ERI3: variants seen among roughly 807,000 people sequenced by gnomAD.
ERI3 encodes the protein ERI1 exoribonuclease family member 3.
Under a neutral mutation model 44.4 loss-of-function variants are expected in ERI3, and 18 were observed. The observed-to-expected ratio is 0.41, with a 90% CI of 0.28 to 0.60. The LOEUF is 0.60. ERI3 is among the 20% of genes least tolerant of loss of function. The pLI, the probability that ERI3 is intolerant of heterozygous loss-of-function variation, is 0.36. For missense variants in ERI3, 294 were observed against 435.5 expected (o/e 0.68, Z 2.89); for synonymous variants, 183 against 164.8 (o/e 1.11, Z -0.84).
At chr1:44,340,533 T>C (rs1307037763) in intron 2 of ERI3, among the ~76,000 whole-genome samples, 2 of 152,170 alleles carry the variant, frequency 1.3e-5, no homozygotes, top group Admixed American at 6.5e-5. Context: ...CAGCGCGTAC[T>C]CAAAGGCAAT....
intron 7 of ERI3, among the ~76,000 whole-genome samples, chr1:44,278,681 C>T (rs1046938256): frequency 3.0e-4 from 46 of 152,268 alleles, no homozygotes; most frequent in Admixed American, 1.3e-3. Context: ...ACTGCAACCT[C>T]CATTGCCTCC....
intron 2 of ERI3, among the ~76,000 whole-genome samples, chr1:44,346,431 A>T (rs1361145399): frequency 6.6e-6 from 1 of 152,258 alleles, no homozygotes; most frequent in Non-Finnish European, 1.5e-5. Context: ...AGCCATGCCC[A>T]GTAGCTTGGG....
intron 2 of ERI3, among the ~76,000 whole-genome samples, chr1:44,350,712 T>C (rs1001842538): frequency 1.3e-5 from 2 of 152,232 alleles, no homozygotes; most frequent in African/African-American, 4.8e-5. Context: ...AAAGATTCAG[T>C]TATACTCTTT....
At chr1:44,324,684 G>A (rs1230594061) in intron 3 of ERI3, among the ~76,000 whole-genome samples, 2 of 152,078 alleles carry the variant, frequency 1.3e-5, no homozygotes, top group African/African-American at 2.4e-5. Flanking sequence ...GAGTTTCACC[G>A]TGTTAGCCAG....
At chr1:44,256,033 A>AT (rs1274676528) in intron 7 of ERI3, among the ~76,000 whole-genome samples, 1 of 151,896 alleles carries the variant, frequency 6.6e-6, no homozygotes, top group Non-Finnish European at 1.5e-5. Context: ...TGTAACATGG[A>AT]TTTTGTCTCC....
chr1:44,325,662 GTTT>G (rs879713943), intron 3 of ERI3, among the ~76,000 whole-genome samples: 2 of 151,978 alleles, frequency 1.3e-5, no homozygotes, highest in African/African-American at 2.4e-5. Flanking sequence ...TATAAATTCT[GTTT>G]TTTTGTTTGT....
At chr1:44,259,395 A>G (rs1026751081) in intron 7 of ERI3, among the ~76,000 whole-genome samples, 7 of 152,098 alleles carry the variant, frequency 4.6e-5, no homozygotes, top group Non-Finnish European at 4.4e-5. Context: ...AGCACAGAAA[A>G]TCAAGCATGA....
At chr1:44,233,900 C>T (rs1339750105) in intron 8 of ERI3, among the ~76,000 whole-genome samples, 2 of 152,166 alleles carry the variant, frequency 1.3e-5, no homozygotes, top group Admixed American at 1.3e-4. Context: ...CACTGCTCTA[C>T]CAACACTGCT....
At chr1:44,265,585 C>T (rs1054467231) in intron 7 of ERI3, among the ~76,000 whole-genome samples, 2 of 151,638 alleles carry the variant, frequency 1.3e-5, no homozygotes, top group Admixed American at 6.6e-5. Flanking sequence ...AAAGTGAACT[C>T]GCACATGAAT....
intron 3 of ERI3, among the ~76,000 whole-genome samples, chr1:44,325,670 G>GT (rs1214975821): frequency 6.6e-6 from 1 of 151,872 alleles, no homozygotes; most frequent in Non-Finnish European, 1.5e-5. Flanking sequence ...CTGTTTTTTT[G>GT]TTTGTTTTTG....
intron 6 of ERI3, among the ~76,000 whole-genome samples, chr1:44,308,047 C>T (rs1310856789): frequency 6.6e-6 from 1 of 152,192 alleles, no homozygotes; most frequent in Non-Finnish European, 1.5e-5. Context: ...CACACAGCCC[C>T]AGCAATCGGA....
intron 7 of ERI3, among the ~76,000 whole-genome samples, chr1:44,267,707 C>T (rs1309017672): frequency 6.6e-6 from 1 of 152,246 alleles, no homozygotes; most frequent in African/African-American, 2.4e-5. Flanking sequence ...GTGCCAAGCC[C>T]AGGCCTAGCA....
chr1:44,333,195 G>A (rs1438623091), intron 3 of ERI3, among the ~76,000 whole-genome samples: 2 of 152,204 alleles, frequency 1.3e-5, no homozygotes, highest in Admixed American at 6.5e-5. Flanking sequence ...CGCCAGATGA[G>A]GCTAAGTTAT....
chr1:44,268,571 C>T (rs1645032820), intron 7 of ERI3, among the ~76,000 whole-genome samples: 1 of 152,148 alleles, frequency 6.6e-6, no homozygotes, highest in African/African-American at 2.4e-5. Context: ...CCAGATCAGC[C>T]CTGAGGAGTC....
At chr1:44,315,561 C>T (rs1309249105) in intron 4 of ERI3, among the ~76,000 whole-genome samples, 1 of 152,232 alleles carries the variant, frequency 6.6e-6, no homozygotes, top group Non-Finnish European at 1.5e-5. Context: ...AAACTCCACT[C>T]CAGTGCTCAG....
Position 44,339,033 on chromosome 1 carries a change from T to C in ERI3, c.489+12A>G, listed in dbSNP as rs1646593380. ...CCCCCCACCTTTTCTAAAGCAATGA[T>C]GGAACAGTTACCTGAGGATGAATCT... is the stretch of plus-strand genomic sequence containing the variant. On this transcript the variant is annotated intron_variant, in intron 3 of 8. Coordinates refer to ENST00000372257, the MANE Select transcript of ERI3 (RefSeq NM_024066.3). 5 of 1,607,496 alleles carry C rather than the reference T, an allele frequency of 3.1e-6. No individual in the cohort carries two copies. The highest frequency in any genetic ancestry group is 4.3e-6 in the Non-Finnish European group (5 of 1,175,022).
At chr1:44,232,002 G>A (rs1644196232) in intron 8 of ERI3, among the ~76,000 whole-genome samples, 1 of 152,176 alleles carries the variant, frequency 6.6e-6, no homozygotes, top group African/African-American at 2.4e-5. Context: ...CCATGCTGAA[G>A]ATGAAAGAAA....
chr1:44,231,879 A>C (rs1644192452), intron 8 of ERI3, among the ~76,000 whole-genome samples: 1 of 152,234 alleles, frequency 6.6e-6, no homozygotes, highest in Non-Finnish European at 1.5e-5. Context: ...TATGAAGACA[A>C]GCATGAGGGA....
At position 44,241,246 on chromosome 1, in the gene ERI3, G is replaced by A. The variant is rs1480964129; in HGVS notation, c.931+6693C>T. On this transcript the variant is annotated intron_variant, in intron 8 of 8. Coordinates refer to ENST00000372257, the MANE Select transcript of ERI3 (RefSeq NM_024066.3). This position sits in a 1 kb window ranked among gnomAD's most constrained non-coding sequence, Gnocchi z 5.6. ...ACTACAGATATTGTGTTTTCAGGGA[G>A]TGAAGGTGGGGAGAGGGGATAAGGA... Among the ~76,000 whole-genome samples, 1 of 152,172 alleles carries A rather than the reference G, an allele frequency of 6.6e-6. No homozygotes were observed. Among genetic ancestry groups the A allele is most frequent in the African/African-American group, 2.4e-5 (1 of 41,428 alleles).
Sources: gnomAD v4.1 joint callset for allele counts (sites outside exome capture counted in the v4.1 genomes callset) on GRCh38, gnomAD v4.1.1 for gene constraint, Gnocchi (gnomAD v3.1) non-coding constraint, MANE v1.5 for transcripts, NCBI Gene and HGNC (gene_info 2026-07-23, HGNC 2026-07-21) for gene names.